Variants in PPARGC1A observed in about 807,000 individuals in gnomAD.
PPARGC1A encodes peroxisome proliferator-activated receptor gamma coactivator 1-alpha.
A neutral mutation model predicts 88.7 loss-of-function variants in PPARGC1A; 25 were observed. The observed-to-expected ratio is 0.28, with a 90% CI of 0.21 to 0.39. PPARGC1A has a LOEUF of 0.39. Among genes scored for constraint, PPARGC1A ranks in the 10% least tolerant of loss-of-function variants. The pLI is 1.00. For synonymous variants in PPARGC1A, 363 were observed against 355.6 expected (o/e 1.02, Z -0.24); for missense variants, 880 against 968.7 (o/e 0.91, Z 1.22).
chr4:24,290,356 T>G, the PPARGC1A span, among the ~76,000 whole-genome samples: 5 of 152,262 alleles, frequency 3.3e-5, no homozygotes, highest in Non-Finnish European at 5.9e-5. Context: ...TATAGTCTTT[T>G]ATATTTTTTA....
intron 8 of PPARGC1A, 138 bp from the exon 9 acceptor site, chr4:23,813,263 G>A (rs1721284788): frequency 1.4e-6 from 1 of 718,374 alleles, no homozygotes; most frequent in Non-Finnish European, 2.4e-6. Context: ...AGATTTCCCA[G>A]TGACAGTTTG....
chr4:23,993,866 T>C, the PPARGC1A span, among the ~76,000 whole-genome samples: 2 of 152,130 alleles, frequency 1.3e-5, no homozygotes, highest in African/African-American at 4.8e-5. Flanking sequence ...CTTGAGTGAC[T>C]AGGATGCCAT....
At chr4:23,979,608 G>C in the PPARGC1A span, among the ~76,000 whole-genome samples, 2 of 152,114 alleles carry the variant, frequency 1.3e-5, no homozygotes, top group African/African-American at 2.4e-5. Context: ...ATATTTACAC[G>C]ATCACTTACA....
chr4:23,990,253 C>A, the PPARGC1A span, among the ~76,000 whole-genome samples: 5 of 150,018 alleles, frequency 3.3e-5, no homozygotes, highest in Non-Finnish European at 5.9e-5. Flanking sequence ...ATAAATTGAG[C>A]CTTTTTGTTG....
At chr4:23,947,639 A>G in the PPARGC1A span, among the ~76,000 whole-genome samples, 1 of 151,898 alleles carries the variant, frequency 6.6e-6, no homozygotes, top group Non-Finnish European at 1.5e-5. Flanking sequence ...CACTAAATCA[A>G]GACGTGGCCC....
At chr4:23,889,234 T>C (rs1213176306) in intron 1 of PPARGC1A, 12 of 985,282 alleles carry the variant, frequency 1.2e-5, no homozygotes, top group Non-Finnish European at 1.3e-5. Flanking sequence ...TACAGGAAGA[T>C]TTAACCATTG....
rs1157373889 is a variant in PPARGC1A, at chr4:23,871,119, GCAACA to G, written c.234+13628_234+13632del. 3.3e-5 allele frequency among the ~76,000 whole-genome samples: 5 copies of G among 152,134 alleles called. No homozygotes were observed. The South Asian group carries it at 1.0e-3, about 31-fold the overall frequency. On this transcript the variant is annotated intron_variant, in intron 2 of 12. Coordinates refer to ENST00000264867, the MANE Select transcript of PPARGC1A (RefSeq NM_013261.5). The stretch of plus-strand genomic sequence containing the variant: ...AGACTTAGTTATCTGCCAAGACCAG[GCAACA>G]TTTTGTAACCTCCAAATGTATCGAA...
the PPARGC1A span, among the ~76,000 whole-genome samples, chr4:24,012,502 G>T: frequency 6.6e-6 from 1 of 151,966 alleles, no homozygotes; most frequent in Non-Finnish European, 1.5e-5. Flanking sequence ...ACTCCCCTCT[G>T]CCTCAGATCT....
the PPARGC1A span, among the ~76,000 whole-genome samples, chr4:24,260,946 G>A: frequency 1.4e-4 from 22 of 152,000 alleles, no homozygotes; most frequent in Non-Finnish European, 2.5e-4. Flanking sequence ...CCACCTTGAC[G>A]CTTCCCCAAT....
chr4:24,223,947 C>T, the PPARGC1A span, among the ~76,000 whole-genome samples: 2,190 of 152,222 alleles, frequency 0.014, 27 homozygotes, highest in Non-Finnish European at 0.02. Flanking sequence ...AGAAATATCC[C>T]TTCTCTGAGA....
chr4:23,879,547 C>T (rs1163129949), intron 2 of PPARGC1A, among the ~76,000 whole-genome samples: 2 of 152,194 alleles, frequency 1.3e-5, no homozygotes, highest in African/African-American at 2.4e-5. Flanking sequence ...CCACCTCTCT[C>T]TCTATCCGAA....
At chr4:24,343,720 T>C in the PPARGC1A span, among the ~76,000 whole-genome samples, 1 of 151,766 alleles carries the variant, frequency 6.6e-6, no homozygotes, top group Non-Finnish European at 1.5e-5. Context: ...AGAGTGGAGA[T>C]GTGGTGTGTG....
At chr4:23,892,309 A>T (rs1021536518), upstream of PPARGC1A, among the ~76,000 whole-genome samples, 1 of 152,170 alleles carries the variant, frequency 6.6e-6, no homozygotes, top group Non-Finnish European at 1.5e-5. Context: ...CACAAAGAGG[A>T]TGGAATTCAG....
the PPARGC1A span, among the ~76,000 whole-genome samples, chr4:24,285,860 C>A: frequency 5.9e-5 from 9 of 152,152 alleles, no homozygotes; most frequent in African/African-American, 2.2e-4. Context: ...TATGTGATTT[C>A]GTTTCTCCCC....
the PPARGC1A span, among the ~76,000 whole-genome samples, chr4:23,934,864 T>C: frequency 6.6e-6 from 1 of 152,124 alleles, no homozygotes; most frequent in East Asian, 1.9e-4. Context: ...GGATTTTAGT[T>C]AAACAAAAAA....
At chr4:24,407,602 C>G in the PPARGC1A span, among the ~76,000 whole-genome samples, 1 of 152,224 alleles carries the variant, frequency 6.6e-6, no homozygotes, top group Non-Finnish European at 1.5e-5. Flanking sequence ...TGACCTTGCT[C>G]TCTTTCGCTC....
At chr4:23,904,522 C>T (rs180696794), upstream of PPARGC1A, among the ~76,000 whole-genome samples, 75 of 146,604 alleles carry the variant, frequency 5.1e-4, no homozygotes, top group East Asian at 0.013. Context: ...GTGTAGAAGA[C>T]TCTGTTTTAT....
At chr4:24,239,300 T>A in the PPARGC1A span, among the ~76,000 whole-genome samples, 1 of 152,182 alleles carries the variant, frequency 6.6e-6, no homozygotes, top group Non-Finnish European at 1.5e-5. Flanking sequence ...ACAAGAAAAC[T>A]GCAAGTGTGC....
the PPARGC1A span, among the ~76,000 whole-genome samples, chr4:24,151,130 G>C: frequency 2.0e-5 from 3 of 152,150 alleles, no homozygotes; most frequent in Non-Finnish European, 4.4e-5. Flanking sequence ...AGCACCTTTT[G>C]CATTTGTTGA....
Sources: gnomAD v4.1 joint callset for allele counts (sites outside exome capture counted in the v4.1 genomes callset) on GRCh38, gnomAD v4.1.1 for gene constraint, MANE v1.5 for transcripts, NCBI Gene and HGNC (gene_info 2026-07-23, HGNC 2026-07-21) for gene names.